The following SSX2IP variants were observed in gnomAD, a reference collection of about 807,000 sequenced individuals.
The protein encoded by SSX2IP is SSX family member 2 interacting protein.
SSX2IP carries 55 observed loss-of-function variants against 84.9 expected under a neutral mutation model. That is an observed-to-expected ratio of 0.65 (90% CI 0.52 to 0.81). The LOEUF (loss-of-function observed/expected upper bound fraction) is 0.81, where lower values mean the gene tolerates loss of function less well. Among genes scored for constraint, SSX2IP ranks in the 30% least tolerant of loss-of-function variants. The pLI is 0.00. For missense variants in SSX2IP, 664 were observed against 705.2 expected (o/e 0.94, Z 0.66); for synonymous variants, 239 against 234.7 (o/e 1.02, Z -0.17).
At position 84,688,975 on chromosome 1, in the gene SSX2IP, G is replaced by A. The variant is rs151287780; in HGVS notation, c.-90+1396C>T. On this transcript the variant is annotated intron_variant, in intron 1 of 13. Coordinates refer to ENST00000342203, the MANE Select transcript of SSX2IP (RefSeq NM_001166293.2). ...TTCCTAACCCTCTTCTCAAAGAACC[G>A]TTTTGTTTGAGAAACCTTCATTAAC... 1.7e-3 allele frequency among the ~76,000 whole-genome samples: 262 copies of A among 152,306 alleles called. 2 individuals carry two copies. The highest frequency in any genetic ancestry group is 5.8e-3 in the African/African-American group (241 of 41,560).
Position 84,651,921 on chromosome 1 carries a change from T to G in SSX2IP, c.1466A>C (p.Asn489Thr). 1 of 1,613,824 alleles carries G rather than the reference T, an allele frequency of 6.2e-7. No homozygotes were observed. The highest frequency in any genetic ancestry group is 8.5e-7 in the Non-Finnish European group (1 of 1,179,810). ...ACTGAAAAGTTTCACATTTTCTGAG[T>G]TCTGGTGGTCAAAGGTAGTCATATT... ...FLNMTTFDHQ[N>T]SENVKLFSAF... Residue 489 changes from asparagine (N) to threonine (T), a missense_variant, in exon 12 of 14, where the codon AAC (asparagine) becomes ACC (threonine). Coordinates refer to ENST00000342203, the MANE Select transcript of SSX2IP (RefSeq NM_001166293.2).
chr1:84,676,554 A>C (rs1654358484), intron 1 of SSX2IP, among the ~76,000 whole-genome samples: 1 of 152,006 alleles, frequency 6.6e-6, no homozygotes, highest in Non-Finnish European at 1.5e-5. Context: ...AATCATGCAG[A>C]GCTTAAATCT....
At chr1:84,662,972 T>C (rs1652244921) in intron 6 of SSX2IP, among the ~76,000 whole-genome samples, 1 of 152,196 alleles carries the variant, frequency 6.6e-6, no homozygotes, top group Non-Finnish European at 1.5e-5. Context: ...CCACATCTAC[T>C]TGTTTATATA....
intron 12 of SSX2IP, among the ~76,000 whole-genome samples, chr1:84,651,498 T>C (rs906586473): frequency 6.6e-6 from 1 of 152,058 alleles, no homozygotes; most frequent in African/African-American, 2.4e-5. Context: ...GAGGCTGAGA[T>C]GGGTGGATCA....
intron 1 of SSX2IP, among the ~76,000 whole-genome samples, chr1:84,676,466 C>T (rs1194790854): frequency 6.6e-6 from 1 of 152,128 alleles, no homozygotes; most frequent in African/African-American, 2.4e-5. Flanking sequence ...CCCTATATGT[C>T]ACTATGGGTT....
At chr1:84,683,984 G>T (rs1406112444) in intron 1 of SSX2IP, among the ~76,000 whole-genome samples, 1 of 152,112 alleles carries the variant, frequency 6.6e-6, no homozygotes, top group African/African-American at 2.4e-5. Context: ...TTAAAAGTCA[G>T]CTAAGAAGTC....
chr1:84,672,066 G>A (rs1231694832), intron 1 of SSX2IP, among the ~76,000 whole-genome samples: 1 of 152,142 alleles, frequency 6.6e-6, no homozygotes, highest in Non-Finnish European at 1.5e-5. Context: ...CAAATGAATG[G>A]TATGGACTAA....
chr1:84,666,914 T>C (rs1433523022), intron 4 of SSX2IP, among the ~76,000 whole-genome samples: 2 of 152,178 alleles, frequency 1.3e-5, no homozygotes, highest in African/African-American at 4.8e-5. Flanking sequence ...AATATTTTTA[T>C]AAAATTCAAA....
chr1:84,670,722 G>A lies in SSX2IP; in HGVS notation c.137C>T (p.Ser46Leu), dbSNP rs373832172. The part of the protein sequence containing the change: ...QQVLCSSIPL[S>L]KNVHSFFSAF... ...ACTGAAAAAACTGTGCACATTTTTC[G>A]ATAAAGGTATTGAAGAACATAGCAC... Residue 46 changes from serine to leucine, a missense_variant, in exon 3 of 14, where the codon TCG (serine) becomes TTG (leucine). Coordinates refer to ENST00000342203, the MANE Select transcript of SSX2IP (RefSeq NM_001166293.2). 9.1e-5 allele frequency: 146 copies of A among 1,612,716 alleles called. No individual in the cohort carries two copies. Among genetic ancestry groups the A allele is most frequent in the Middle Eastern group, 6.6e-4 (4 of 6,050 alleles).
chr1:84,690,703 C>G (rs1221101140), upstream of SSX2IP: 2 of 152,100 alleles, frequency 1.3e-5, no homozygotes, highest in Non-Finnish European at 2.9e-5. Flanking sequence ...AAAAGAAGAC[C>G]TTATCCCTGC....
chr1:84,688,549 A>G (rs1656119544), intron 1 of SSX2IP, among the ~76,000 whole-genome samples: 1 of 152,226 alleles, frequency 6.6e-6, no homozygotes, highest in African/African-American at 2.4e-5. Context: ...CGCCTACTTT[A>G]TAAAACCGGT....
chr1:84,664,130 T>C (rs1047648029), intron 6 of SSX2IP, among the ~76,000 whole-genome samples: 5 of 152,202 alleles, frequency 3.3e-5, no homozygotes, highest in African/African-American at 1.2e-4. Flanking sequence ...TTATCAGTTC[T>C]TTGCTATGGA....
At chr1:84,656,321 C>A in intron 10 of SSX2IP, 27 bp downstream of exon 10, 1 of 1,601,992 alleles carries the variant, frequency 6.2e-7, no homozygotes, top group Non-Finnish European at 8.5e-7. Flanking sequence ...TCATGGAGAA[C>A]AGCTTTAAAA....
chr1:84,662,133 C>A, intron 8 of SSX2IP, 65 bp downstream of exon 8: 1 of 1,100,204 alleles, frequency 9.1e-7, no homozygotes, highest in East Asian at 2.4e-5. Flanking sequence ...AGAATGCCTA[C>A]CACATATTTT....
chr1:84,688,539 C>A (rs1239492213), intron 1 of SSX2IP, among the ~76,000 whole-genome samples: 1 of 152,176 alleles, frequency 6.6e-6, no homozygotes, highest in Admixed American at 6.5e-5. Context: ...GGCACTCAAA[C>A]GCCTACTTTA....
At position 84,669,746 on chromosome 1, in the gene SSX2IP, C is replaced by A. The variant is rs1165646863; in HGVS notation, c.361G>T (p.Glu121Ter). Reference protein sequence around the residue: ...RKNLLAQENVETQNLKLGSDM... With the variant: ...RKNLLAQENV The stretch of plus-strand genomic sequence containing the variant: ...CTTCCCAGCTTCAAATTCTGTGTCT[C>A]CACATTTTCCTGAGCTAGAAGGTTC... The change falls in exon 4 of 14, where the codon GAG (glutamate) becomes TAG (stop). Residue 121 changes from glutamate to a stop codon, truncating the protein, a stop_gained. Coordinates refer to ENST00000342203, the MANE Select transcript of SSX2IP (RefSeq NM_001166293.2). LOFTEE classifies it high-confidence loss of function. The A allele has an allele frequency of 1.9e-6, 3 of 1,613,806 alleles. No homozygotes were observed. Among genetic ancestry groups the A allele is most frequent in the Non-Finnish European group, 2.5e-6 (3 of 1,179,786 alleles).
chr1:84,655,548 A>G, intron 11 of SSX2IP: 1 of 1,377,054 alleles, frequency 7.3e-7, no homozygotes, highest in South Asian at 1.2e-5. Context: ...GATACCCAAA[A>G]GAGATTTCTT....
chr1:84,672,297 A>G (rs899580820), intron 1 of SSX2IP, among the ~76,000 whole-genome samples: 11 of 152,276 alleles, frequency 7.2e-5, no homozygotes, highest in African/African-American at 1.7e-4. Context: ...CTCGGCTACA[A>G]TAAATTGTGG....
At chr1:84,656,138 A>G in intron 10 of SSX2IP, 133 bp from the exon 11 acceptor site, 1 of 1,007,096 alleles carries the variant, frequency 9.9e-7, no homozygotes, top group Non-Finnish European at 1.4e-6. Context: ...AAGTCAAATG[A>G]GAATTCTCAT....
Sources: allele counts gnomAD v4.1 joint callset (sites outside exome capture counted in the v4.1 genomes callset), GRCh38; gene constraint gnomAD v4.1.1; transcripts MANE v1.5; gene names NCBI Gene and HGNC (gene_info 2026-07-23, HGNC 2026-07-21).